Variants in CNTN5 observed in about 807,000 individuals in gnomAD.
CNTN5 encodes contactin-5.
CNTN5 carries 77 observed loss-of-function variants against 129.1 expected under a neutral mutation model. The ratio of observed to expected loss-of-function variants is 0.60; its 90% confidence interval spans 0.50 to 0.72. The LOEUF is 0.72. CNTN5 is among the 30% of genes least tolerant of loss of function. The pLI is 0.00. For synonymous variants in CNTN5, 509 were observed against 465.6 expected (o/e 1.09, Z -1.20); for missense variants, 1,478 against 1,328.8 (o/e 1.11, Z -1.75).
At chr11:99,881,204 T>C (rs906342412) in intron 6 of CNTN5, among the ~76,000 whole-genome samples, 1 of 152,204 alleles carries the variant, frequency 6.6e-6, no homozygotes. Flanking sequence ...CAAGAGCTGC[T>C]GGAGGACACA....
At chr11:99,982,901 A>G (rs1938440280) in intron 8 of CNTN5, among the ~76,000 whole-genome samples, 1 of 152,158 alleles carries the variant, frequency 6.6e-6, no homozygotes, top group African/African-American at 2.4e-5. Context: ...TCGGCCTCCC[A>G]AAGTGCTGGG....
intron 2 of CNTN5, among the ~76,000 whole-genome samples, chr11:99,355,822 T>TTTG (rs759037104): frequency 0.1 from 13,480 of 132,514 alleles, 444 homozygotes; most frequent in African/African-American, 0.16. Context: ...TTTTTTTTTG[T>TTTG]TTTTTTTTTT....
At chr11:99,710,553 GTGTGTGTGTGTGCA>G (rs1416460217) in intron 3 of CNTN5, among the ~76,000 whole-genome samples, 1 of 136,238 alleles carries the variant, frequency 7.3e-6, no homozygotes, top group African/African-American at 2.8e-5. Context: ...TAGATTGTGT[GTGTGTGTGTGTGCA>G]TGTGTGTGTG....
At chr11:99,062,821 T>C (rs898221009) in intron 1 of CNTN5, among the ~76,000 whole-genome samples, 5 of 152,110 alleles carry the variant, frequency 3.3e-5, no homozygotes, top group African/African-American at 1.2e-4. Context: ...CTCCCACTCT[T>C]GATACATTAC....
chr11:100,041,669 A>T (rs1448848579), intron 9 of CNTN5, among the ~76,000 whole-genome samples: 1 of 152,264 alleles, frequency 6.6e-6, no homozygotes. Context: ...GTTGGGACAT[A>T]GGCTGACCTC....
chr11:99,055,871 T>C (rs559028134), intron 1 of CNTN5, among the ~76,000 whole-genome samples: 1 of 152,124 alleles, frequency 6.6e-6, no homozygotes, highest in Admixed American at 6.6e-5. Context: ...AGGCTCCCTC[T>C]ATTCCTTCAG....
intron 3 of CNTN5, among the ~76,000 whole-genome samples, chr11:99,802,213 G>A (rs930919154): frequency 6.6e-6 from 1 of 152,116 alleles, no homozygotes; most frequent in South Asian, 2.1e-4. Flanking sequence ...CTACAGGCCT[G>A]TAGTTTGTGC....
intron 9 of CNTN5, among the ~76,000 whole-genome samples, chr11:100,045,430 T>C (rs550962816): frequency 7.2e-5 from 11 of 151,726 alleles, no homozygotes; most frequent in African/African-American, 2.7e-4. Flanking sequence ...AGATTAGAGA[T>C]AGAAGAAAAA....
intron 23 of CNTN5, among the ~76,000 whole-genome samples, chr11:100,344,951 T>G (rs964032082): frequency 6.6e-6 from 1 of 152,114 alleles, no homozygotes; most frequent in Non-Finnish European, 1.5e-5. Flanking sequence ...AATATATCAG[T>G]ACATTATAAA....
chr11:99,206,690 T>C (rs1859504078), intron 1 of CNTN5, among the ~76,000 whole-genome samples: 1 of 152,166 alleles, frequency 6.6e-6, no homozygotes, highest in Admixed American at 6.6e-5. Flanking sequence ...GTATTCTACC[T>C]GGTTTGCATG....
At chr11:99,272,613 C>T (rs574509223) in intron 1 of CNTN5, among the ~76,000 whole-genome samples, 6 of 151,676 alleles carry the variant, frequency 4.0e-5, no homozygotes, top group African/African-American at 1.2e-4. Context: ...TCTTTTCTCA[C>T]ATTTAGATAT....
chr11:99,690,363 G>A (rs1030809563), intron 3 of CNTN5, among the ~76,000 whole-genome samples: 5 of 152,106 alleles, frequency 3.3e-5, no homozygotes, highest in African/African-American at 1.2e-4. Context: ...TGGGTAACAT[G>A]ATGCCTCCAG....
intron 13 of CNTN5, among the ~76,000 whole-genome samples, chr11:100,119,266 C>T (rs978577205): frequency 1.3e-5 from 2 of 151,846 alleles, no homozygotes; most frequent in African/African-American, 4.8e-5. Flanking sequence ...TTACTACAGC[C>T]AAACAAAATA....
intron 13 of CNTN5, among the ~76,000 whole-genome samples, chr11:100,127,700 C>T (rs752386311): frequency 2.2e-5 from 3 of 135,998 alleles, no homozygotes; most frequent in Non-Finnish European, 4.6e-5. Flanking sequence ...CTCTTGTCAC[C>T]CAGGCTGGAG....
chr11:99,453,405 A>G (rs967651052), intron 2 of CNTN5, among the ~76,000 whole-genome samples: 9 of 152,196 alleles, frequency 5.9e-5, no homozygotes, highest in African/African-American at 1.9e-4. Context: ...TTTGCTGTGA[A>G]TTTCCAATGG....
intron 13 of CNTN5, among the ~76,000 whole-genome samples, chr11:100,145,310 A>G (rs1946816221): frequency 6.6e-6 from 1 of 152,068 alleles, no homozygotes; most frequent in Non-Finnish European, 1.5e-5. Context: ...CCAACCACCA[A>G]TTATATATGT....
chr11:99,871,133 T>C (rs965823104), intron 6 of CNTN5, among the ~76,000 whole-genome samples: 1 of 152,096 alleles, frequency 6.6e-6, no homozygotes, highest in African/African-American at 2.4e-5. Flanking sequence ...GTTATTACTA[T>C]TGTTGATCCC....
At chr11:99,189,160 G>C (rs187273740) in intron 1 of CNTN5, among the ~76,000 whole-genome samples, 78 of 151,688 alleles carry the variant, frequency 5.1e-4, no homozygotes, top group African/African-American at 1.7e-3. Context: ...ACAAATAACA[G>C]GATTTCTTTC....
At chr11:100,307,357 A>C (rs1951375549) in intron 20 of CNTN5, among the ~76,000 whole-genome samples, 1 of 151,758 alleles carries the variant, frequency 6.6e-6, no homozygotes, top group African/African-American at 2.4e-5. Context: ...GTTTGAACTA[A>C]TGTATGGCCT....
Sources: allele counts gnomAD v4.1 joint callset (sites outside exome capture counted in the v4.1 genomes callset), GRCh38; gene constraint gnomAD v4.1.1; transcripts MANE v1.5; gene names NCBI Gene and HGNC (gene_info 2026-07-23, HGNC 2026-07-21).